The following RESF1 variants were observed in gnomAD, a reference collection of about 807,000 sequenced individuals.
RESF1 encodes the protein gonad expressed transcript.
A neutral mutation model predicts 134.7 loss-of-function variants in RESF1; 65 were observed. The observed-to-expected ratio is 0.48, with a 90% CI of 0.40 to 0.59. RESF1 has a LOEUF of 0.59. RESF1 is among the 20% of genes least tolerant of loss of function. The pLI is 0.00. For synonymous variants in RESF1, 762 were observed against 702.2 expected, an observed-to-expected ratio of 1.09 and a Z score of -1.35; for missense variants, 2,274 against 2,002.7, an observed-to-expected ratio of 1.14 and a Z score of -2.59.
In RESF1 at chr12:31,983,190, T is replaced by C. The variant is rs369502968; in HGVS notation, c.2235T>C (p.Tyr745=). 4.1e-5 allele frequency: 66 copies of C among 1,611,112 alleles called. No individual in the cohort carries two copies. Among genetic ancestry groups the C allele is most frequent in the Non-Finnish European group, 5.3e-5 (63 of 1,178,974 alleles). The part of the protein sequence containing the change: ...QTALSMVMHN[Y]ESSGINITKG... The stretch of plus-strand genomic sequence containing the variant: ...CTTTGTCGATGGTAATGCACAATTA[T>C]GAGTCTTCAGGTATAAATATAACAA... The change falls in exon 4 of 6, where the codon TAT becomes TAC. Residue 745 remains tyrosine, a synonymous_variant. Coordinates refer to ENST00000312561, the MANE Select transcript of RESF1 (RefSeq NM_018169.4).
intron 1 of RESF1, 115 bp downstream of exon 1, chr12:31,959,606 G>A (rs1372860107): frequency 6.6e-6 from 1 of 152,036 alleles, no homozygotes; most frequent in Admixed American, 6.6e-5. Context: ...GCGGCGCAGA[G>A]CGCTTTTGTT....
At position 31,981,214 on chromosome 12, in the gene RESF1, C is replaced by G; in HGVS notation, c.259C>G (p.His87Asp). 4 of 1,614,130 alleles carry G rather than the reference C, an allele frequency of 2.5e-6. No homozygotes were observed. Among genetic ancestry groups the G allele is most frequent in the Non-Finnish European group, 3.4e-6 (4 of 1,180,002 alleles). ...GCATAATGGGACAGTTGTGGCCTCA[C>G]ACACTTCAGTAGAAAGAATAACATA... ...DMHNGTVVAS[H>D]TSVERITYAN... Residue 87 changes from histidine to aspartate, a missense_variant, in exon 4 of 6, where the codon CAC becomes GAC. Physicochemically the swap from His to Asp is moderately conservative, Grantham distance 81. Coordinates refer to ENST00000312561, the MANE Select transcript of RESF1 (RefSeq NM_018169.4).
At chr12:31,968,246 A>G (rs1263208509) in intron 2 of RESF1, among the ~76,000 whole-genome samples, 1 of 152,224 alleles carries the variant, frequency 6.6e-6, no homozygotes, top group African/African-American at 2.4e-5. Context: ...GAAGTTTTCA[A>G]TTTAAAATAC....
In RESF1 at chr12:31,984,965, A is replaced by G; in HGVS notation, c.4010A>G (p.Lys1337Arg). The G allele has an allele frequency of 1.9e-6, 3 of 1,613,288 alleles. No homozygotes were observed. The highest frequency in any genetic ancestry group is 2.5e-6 in the Non-Finnish European group (3 of 1,179,820). Residue 1337 changes from lysine to arginine, a missense_variant, in exon 4 of 6, where the codon AAA (lysine) becomes AGA (arginine). Physicochemically the swap from Lys to Arg is conservative, Grantham distance 26. Coordinates refer to ENST00000312561, the MANE Select transcript of RESF1 (RefSeq NM_018169.4). Reference sequence around the variant, plus strand: ...CAGAACTCACGTCCACTAAAAACAAAAACAGCTTTTTTGCCAAATAAAGAT... The same window carrying G: ...CAGAACTCACGTCCACTAAAAACAAGAACAGCTTTTTTGCCAAATAAAGAT... The part of the protein sequence containing the change: ...VTQNSRPLKT[K>R]TAFLPNKDVY...
Position 31,982,610 on chromosome 12 carries a change from A to C in RESF1, c.1655A>C (p.Glu552Ala), listed in dbSNP as rs757549118. Residue 552 changes from glutamate (E) to alanine (A), a missense_variant, in exon 4 of 6, where the codon GAG (glutamate) becomes GCG (alanine). By Grantham distance (107) the Glu-to-Ala change is moderately radical (BLOSUM62 -1). Coordinates refer to ENST00000312561, the MANE Select transcript of RESF1 (RefSeq NM_018169.4). ...QLSSENVTKV[E>A]QNSPAVCETI... ...TCATCAGAAAATGTTACCAAAGTTG[A>C]GCAAAATTCACCAGCAGTTTGTGAA... 7 of 1,614,020 alleles carry C rather than the reference A, an allele frequency of 4.3e-6. No homozygotes were observed. In the South Asian group the frequency reaches 7.7e-5, roughly 18 times the overall value.
intron 3 of RESF1, among the ~76,000 whole-genome samples, chr12:31,979,579 C>T (rs192660373): frequency 1.3e-5 from 2 of 152,220 alleles, no homozygotes; most frequent in African/African-American, 4.8e-5. Context: ...ACTCTGTCAC[C>T]CAGGCTGGAG....
At chr12:31,964,582 G>A (rs2120760265) in intron 2 of RESF1, among the ~76,000 whole-genome samples, 1 of 152,274 alleles carries the variant, frequency 6.6e-6, no homozygotes, top group Non-Finnish European at 1.5e-5. Context: ...GAATAGACAT[G>A]CACAATTTTA....
chr12:31,982,074 G>A lies in RESF1; in HGVS notation c.1119G>A (p.Met373Ile), dbSNP rs1472966705. The A allele has an allele frequency of 6.2e-7, 1 of 1,614,036 alleles. No homozygotes were observed. The highest frequency in any genetic ancestry group is 2.2e-5 in the East Asian group (1 of 44,878). ...CTCAAACTAATGAAGAGAAAATAAT[G>A]GATTCTTGCAATCCAACTTCAAATC... The part of the protein sequence containing the change: ...TLAQTNEEKI[M>I]DSCNPTSNQV... Residue 373 changes from methionine (M) to isoleucine (I), a missense_variant, in exon 4 of 6, where the codon ATG becomes ATA. Met to Ile is a conservative substitution (Grantham distance 10, BLOSUM62 1). Transcript: ENST00000312561.
At position 31,981,664 on chromosome 12, in the gene RESF1, A is replaced by G. The variant is rs1207003220; in HGVS notation, c.709A>G (p.Ile237Val). 1 of 1,613,924 alleles carries G rather than the reference A, an allele frequency of 6.2e-7. No homozygotes were observed. Among genetic ancestry groups the G allele is most frequent in the Admixed American group, 1.7e-5 (1 of 60,032 alleles). Residue 237 changes from isoleucine to valine, a missense_variant, in exon 4 of 6, where the codon ATA becomes GTA. Ile to Val is a conservative substitution (Grantham distance 29). Transcript: ENST00000312561. ...PDSTIQKQNF[I>V]PHTSLQVKNS... ...TTCTACCATTCAAAAACAAAACTTT[A>G]TACCACATACATCATTGCAAGTTAA...
rs530852531 is a variant in RESF1 at position 31,971,012 on chromosome 12, C to T, written c.-79+656C>T. 2.6e-5 allele frequency among the ~76,000 whole-genome samples: 4 copies of T among 152,274 alleles called. No individual in the cohort carries two copies. In the South Asian group the frequency reaches 6.2e-4, roughly 24 times the overall value. Reference sequence around the variant, plus strand: ...AGATTATTTCTACCTCAAGAACCTTCGTTTTAGACAACAGTGCATATATGT... The same window carrying T: ...AGATTATTTCTACCTCAAGAACCTTTGTTTTAGACAACAGTGCATATATGT... On this transcript the variant is annotated intron_variant, in intron 3 of 5. Transcript: ENST00000312561.
chr12:31,965,097 C>A (rs1822519700), intron 2 of RESF1, among the ~76,000 whole-genome samples: 1 of 152,150 alleles, frequency 6.6e-6, no homozygotes, highest in Non-Finnish European at 1.5e-5. Flanking sequence ...GCTAGGATTA[C>A]AGACACTTGC....
intron 3 of RESF1, among the ~76,000 whole-genome samples, chr12:31,977,514 C>T (rs1255070072): frequency 6.6e-6 from 1 of 152,120 alleles, no homozygotes; most frequent in Non-Finnish European, 1.5e-5. Flanking sequence ...AAACGATAAT[C>T]TACCTGGGAT....
At position 31,982,416 on chromosome 12, in the gene RESF1, T is replaced by A. The variant is rs748613614; in HGVS notation, c.1461T>A (p.Ser487=). ...ATAAGACTCAATGTATGTTGAATTC[T>A]GACATTCAGGAAGTCAATTGCAGAA... ...ETNKTQCMLN[S]DIQEVNCRRF... The change falls in exon 4 of 6, where the codon TCT becomes TCA. Residue 487 remains serine, a synonymous_variant. Transcript: ENST00000312561. 1.2e-6 allele frequency: 2 copies of A among 1,614,086 alleles called. No homozygotes were observed. Among genetic ancestry groups the A allele is most frequent in the Non-Finnish European group, 1.7e-6 (2 of 1,180,012 alleles).
chr12:31,969,722 T>C (rs1939467655), intron 2 of RESF1, among the ~76,000 whole-genome samples: 1 of 152,110 alleles, frequency 6.6e-6, no homozygotes, highest in African/African-American at 2.4e-5. Context: ...CACCACTGCC[T>C]CAACCCCCTG....
Position 31,983,491 on chromosome 12 carries a change from G to A in RESF1, c.2536G>A (p.Gly846Ser). 1 of 1,613,994 alleles carries A rather than the reference G, an allele frequency of 6.2e-7. No homozygotes were observed. The highest frequency in any genetic ancestry group is 8.5e-7 in the Non-Finnish European group (1 of 1,179,998). The change falls in exon 4 of 6, where the codon GGT (glycine) becomes AGT (serine). Residue 846 changes from glycine (G) to serine (S), a missense_variant. Transcript: ENST00000312561. ...GGAAAAGCAGAATGAGTCAACTAAT[G>A]GTAATTCAGAAGTCACACCTAATGT... Reference protein sequence around the residue: ...QKEKQNESTNGNSEVTPNVNQ... With the variant: ...QKEKQNESTNSNSEVTPNVNQ...
rs1465729468 is a variant in RESF1 at position 31,982,643 on chromosome 12, C to A, written c.1688C>A (p.Ser563Tyr). The change falls in exon 4 of 6, where the codon TCT (serine) becomes TAT (tyrosine). Residue 563 changes from serine (S) to tyrosine (Y), a missense_variant. By Grantham distance (144) the Ser-to-Tyr change is moderately radical. Coordinates refer to ENST00000312561, the MANE Select transcript of RESF1 (RefSeq NM_018169.4). ...QNSPAVCETI[S>Y]VPKSMSTEEY... ...TCACCAGCAGTTTGTGAAACAATTT[C>A]TGTTCCCAAGTCCATGTCCACTGAG... 1.2e-6 allele frequency: 2 copies of A among 1,614,036 alleles called. No individual in the cohort carries two copies. Among genetic ancestry groups the A allele is most frequent in the Non-Finnish European group, 1.7e-6 (2 of 1,180,018 alleles).
Position 31,984,834 on chromosome 12 carries a change from A to G in RESF1, c.3879A>G (p.Lys1293=), listed in dbSNP as rs974122505. The change falls in exon 4 of 6, where the codon AAA becomes AAG. Residue 1293 remains lysine, a synonymous_variant. Coordinates refer to ENST00000312561, the MANE Select transcript of RESF1 (RefSeq NM_018169.4). The part of the protein sequence containing the change: ...CDKLNPLQNH[K]RKKLRFHEVT... ...AACTAAATCCCTTGCAAAATCACAA[A>G]AGAAAAAAATTGAGGTTTCACGAGG... is the stretch of plus-strand genomic sequence containing the variant. 4.4e-6 allele frequency: 7 copies of G among 1,602,426 alleles called. No homozygotes were observed. In the African/African-American group the frequency reaches 8.1e-5, roughly 19 times the overall value.
chr12:31,962,914 A>G (rs1939311287), intron 2 of RESF1, among the ~76,000 whole-genome samples: 1 of 151,774 alleles, frequency 6.6e-6, no homozygotes, highest in South Asian at 2.1e-4. Context: ...CCTGGCCAAC[A>G]TGGTGAAGCT....
At chr12:31,967,930 A>G (rs1478737854) in intron 2 of RESF1, among the ~76,000 whole-genome samples, 1 of 152,224 alleles carries the variant, frequency 6.6e-6, no homozygotes, top group Non-Finnish European at 1.5e-5. Flanking sequence ...TGGATTCTAG[A>G]AAGCCTATTT....
Sources: allele counts gnomAD v4.1 joint callset (sites outside exome capture counted in the v4.1 genomes callset), GRCh38; gene constraint gnomAD v4.1.1; transcripts MANE v1.5; gene names NCBI Gene and HGNC (gene_info 2026-07-23, HGNC 2026-07-21).